Variants in GRID1 observed in about 807,000 individuals in gnomAD.
GRID1 encodes glutamate receptor ionotropic, delta-1.
A neutral mutation model predicts 98.0 loss-of-function variants in GRID1; 28 were observed. That is an observed-to-expected ratio of 0.29 (90% CI 0.21 to 0.39). The LOEUF (loss-of-function observed/expected upper bound fraction) is 0.39. Among genes scored for constraint, GRID1 ranks in the 10% least tolerant of loss-of-function variants. GRID1 has a pLI of 1.00. For synonymous variants in GRID1, 553 were observed against 538.5 expected (o/e 1.03, Z -0.37); for missense variants, 1,111 against 1,340.5 (o/e 0.83, Z 2.67).
chr10:86,264,415 C>A (rs533347556), intron 2 of GRID1, among the ~76,000 whole-genome samples: 1 of 152,332 alleles, frequency 6.6e-6, no homozygotes, highest in Non-Finnish European at 1.5e-5. Context: ...GAGACTACCC[C>A]AGAGGGAGGA....
chr10:85,984,748 T>C (rs934474621), intron 4 of GRID1, among the ~76,000 whole-genome samples: 1 of 151,998 alleles, frequency 6.6e-6, no homozygotes, highest in South Asian at 2.1e-4. Flanking sequence ...TGATCAAGAC[T>C]CCTAGTCCCC....
chr10:85,881,161 C>G (rs916258122), intron 5 of GRID1, among the ~76,000 whole-genome samples: 22 of 152,014 alleles, frequency 1.4e-4, no homozygotes, highest in East Asian at 3.9e-4. Flanking sequence ...ATGCTCATGG[C>G]TAGGAAGAAT....
intron 2 of GRID1, among the ~76,000 whole-genome samples, chr10:86,354,170 C>T (rs757850436): frequency 6.6e-6 from 1 of 152,096 alleles, no homozygotes; most frequent in Non-Finnish European, 1.5e-5. Context: ...AAGAAGACAG[C>T]CTTCCAGGCC....
intron 8 of GRID1, among the ~76,000 whole-genome samples, chr10:85,768,306 A>G (rs1377230729): frequency 6.6e-6 from 1 of 152,246 alleles, no homozygotes; most frequent in Non-Finnish European, 1.5e-5. Context: ...AACACATCAA[A>G]TTGAAACTAT....
At chr10:86,121,776 C>A (rs1374495216) in intron 4 of GRID1, among the ~76,000 whole-genome samples, 1 of 152,202 alleles carries the variant, frequency 6.6e-6, no homozygotes, top group Non-Finnish European at 1.5e-5. Flanking sequence ...CTGCCACTAT[C>A]CCTACTTTAG....
chr10:85,841,657 T>C, intron 8 of GRID1, among the ~76,000 whole-genome samples: 1 of 151,692 alleles, frequency 6.6e-6, no homozygotes, highest in Non-Finnish European at 1.5e-5. Flanking sequence ...CATTAAAAAG[T>C]GGGCAAAGAA....
At chr10:86,069,006 C>T (rs1843758892) in intron 4 of GRID1, among the ~76,000 whole-genome samples, 1 of 152,006 alleles carries the variant, frequency 6.6e-6, no homozygotes, top group Admixed American at 6.5e-5. Context: ...CCCTAGTCTC[C>T]AGCTTGATTA....
At chr10:85,787,141 G>GA (rs1842437117) in intron 8 of GRID1, among the ~76,000 whole-genome samples, 1 of 152,200 alleles carries the variant, frequency 6.6e-6, no homozygotes, top group African/African-American at 2.4e-5. Flanking sequence ...GTTCCCATTG[G>GA]TAGCTGAAGA....
intron 8 of GRID1, among the ~76,000 whole-genome samples, chr10:85,824,234 G>A (rs192367196): frequency 6.6e-5 from 10 of 152,208 alleles, no homozygotes; most frequent in East Asian, 1.9e-4. Context: ...TTGCCTTGTC[G>A]CAAGAGTACG....
chr10:85,825,834 T>C (rs1842814404), intron 8 of GRID1, among the ~76,000 whole-genome samples: 1 of 152,128 alleles, frequency 6.6e-6, no homozygotes, highest in Non-Finnish European at 1.5e-5. Context: ...AGAATATTGA[T>C]TCACAAACTG....
In GRID1 at chr10:86,097,836, G is replaced by T. The variant is rs1012104692; in HGVS notation, c.726+40983C>A. Among the ~76,000 whole-genome samples, 4 of 152,200 alleles carry T rather than the reference G, an allele frequency of 2.6e-5. No homozygotes were observed. In the South Asian group the frequency reaches 8.3e-4, roughly 32 times the overall value. On this transcript the variant is annotated intron_variant, in intron 4 of 15. Coordinates refer to ENST00000327946, the MANE Select transcript of GRID1 (RefSeq NM_017551.3). ...AACTGCATGTGAATCTATCATGGCT[G>T]AAGTTAATATAACTTTCTCTTGTTT...
chr10:86,105,627 T>C (rs1366027678), intron 4 of GRID1, among the ~76,000 whole-genome samples: 1 of 152,170 alleles, frequency 6.6e-6, no homozygotes, highest in African/African-American at 2.4e-5. Context: ...GGAGCCTTCA[T>C]TCCCCATTCA....
intron 4 of GRID1, among the ~76,000 whole-genome samples, chr10:86,059,965 T>C (rs1843626956): frequency 6.6e-6 from 1 of 152,232 alleles, no homozygotes; most frequent in Non-Finnish European, 1.5e-5. Context: ...GACAGCATTT[T>C]ACACAAAGCC....
chr10:85,806,505 A>G (rs1375561604), intron 8 of GRID1, among the ~76,000 whole-genome samples: 2 of 152,158 alleles, frequency 1.3e-5, no homozygotes. Flanking sequence ...AAATAATTGC[A>G]TGTGAATGTT....
chr10:85,952,771 C>A (rs996484644), intron 4 of GRID1, among the ~76,000 whole-genome samples: 1 of 152,162 alleles, frequency 6.6e-6, no homozygotes, highest in African/African-American at 2.4e-5. Context: ...CTTGGGAGAA[C>A]TGTACACAGT....
At chr10:85,877,432 A>G (rs1589284311) in intron 5 of GRID1, among the ~76,000 whole-genome samples, 1 of 152,164 alleles carries the variant, frequency 6.6e-6, no homozygotes, top group Non-Finnish European at 1.5e-5. Context: ...AGGCAGCAGC[A>G]TTTGCGGGTC....
At chr10:85,774,615 A>C (rs1842310256) in intron 8 of GRID1, among the ~76,000 whole-genome samples, 1 of 152,210 alleles carries the variant, frequency 6.6e-6, no homozygotes, top group Non-Finnish European at 1.5e-5. Flanking sequence ...CAATGAACTC[A>C]AACAAATTTA....
At chr10:85,645,781 AT>A (rs1843179597) in intron 13 of GRID1, 1 of 152,236 alleles carries the variant, frequency 6.6e-6, no homozygotes, top group Non-Finnish European at 1.5e-5. Context: ...TGAGCATGGG[AT>A]CCTGTACAAG....
intron 8 of GRID1, among the ~76,000 whole-genome samples, chr10:85,760,675 T>C (rs776110990): frequency 5.3e-5 from 8 of 152,178 alleles, no homozygotes; most frequent in Non-Finnish European, 1.0e-4. Flanking sequence ...ACAATAAGTA[T>C]ACATTTGCAA....
Sources: gnomAD v4.1 joint callset for allele counts (sites outside exome capture counted in the v4.1 genomes callset) on GRCh38, gnomAD v4.1.1 for gene constraint, MANE v1.5 for transcripts, NCBI Gene and HGNC (gene_info 2026-07-23, HGNC 2026-07-21) for gene names.